Variants in DIAPH2 observed in about 807,000 individuals in gnomAD.
DIAPH2 encodes the protein protein diaphanous homolog 2.
Under a neutral mutation model 92.7 loss-of-function variants are expected in DIAPH2, and 35 were observed. The observed-to-expected ratio is 0.38, with a 90% CI of 0.29 to 0.50. The LOEUF (loss-of-function observed/expected upper bound fraction) is 0.50. DIAPH2 is among the 20% of genes least tolerant of loss of function. DIAPH2 has a pLI of 0.94. For synonymous variants in DIAPH2, 301 were observed against 280.4 expected, an observed-to-expected ratio of 1.07 and a Z score of -0.73; for missense variants, 701 against 819.5, an observed-to-expected ratio of 0.86 and a Z score of 1.77.
chrX:96,853,788 G>A (rs972050223), intron 4 of DIAPH2, among the ~76,000 whole-genome samples: 5 of 111,292 alleles, frequency 4.5e-5, no homozygotes, highest in African/African-American at 1.6e-4. Context: ...TGGTTTAATT[G>A]CACTTCAAAA....
intron 20 of DIAPH2, among the ~76,000 whole-genome samples, chrX:97,110,230 C>T (rs770305297): frequency 3.6e-5 from 4 of 111,230 alleles, no homozygotes; most frequent in Non-Finnish European, 5.6e-5. Flanking sequence ...ACTCCTTTCT[C>T]CTTTTTTTTC....
chrX:97,090,727 C>G (rs2066819223), intron 19 of DIAPH2, among the ~76,000 whole-genome samples: 1 of 111,392 alleles, frequency 9.0e-6, no homozygotes, highest in Non-Finnish European at 1.9e-5. Context: ...AATGTAAACT[C>G]TCCCAGAGTA....
intron 3 of DIAPH2, among the ~76,000 whole-genome samples, chrX:96,742,547 C>A (rs770867349): frequency 1.8e-5 from 2 of 111,970 alleles, no homozygotes; most frequent in Non-Finnish European, 3.8e-5. Context: ...ACACCCACCA[C>A]ACCTTACCTT....
chrX:97,071,432 G>A (rs640422), intron 17 of DIAPH2, among the ~76,000 whole-genome samples: 51,891 of 109,468 alleles, frequency 0.47, 9,070 homozygotes, highest in African/African-American at 0.55. Flanking sequence ...AGTAGTAGCA[G>A]TGACTATTAT....
chrX:97,300,704 G>A (rs1224067123), intron 23 of DIAPH2, among the ~76,000 whole-genome samples: 8 of 95,799 alleles, frequency 8.4e-5, no homozygotes, highest in Non-Finnish European at 1.5e-4. Flanking sequence ...AGGCCGAGGC[G>A]GGCGGATCAC....
At chrX:96,835,823 C>T (rs763449013) in intron 4 of DIAPH2, among the ~76,000 whole-genome samples, 1 of 110,603 alleles carries the variant, frequency 9.0e-6, no homozygotes, top group Admixed American at 9.6e-5. Context: ...TTTTCTTTTA[C>T]GTTTTTTGAG....
chrX:97,511,233 G>A (rs1425245213), intron 26 of DIAPH2, among the ~76,000 whole-genome samples: 2 of 93,591 alleles, frequency 2.1e-5, no homozygotes, highest in Non-Finnish European at 4.3e-5. Flanking sequence ...CACATCCCTT[G>A]TAAGTTGGAT....
rs147233535 is a variant in DIAPH2, at chrX:96,968,056, T to C, written c.2050+2849T>C. On this transcript the variant is annotated intron_variant, in intron 17 of 26. Coordinates refer to ENST00000324765, the MANE Select transcript of DIAPH2 (RefSeq NM_006729.5). The stretch of plus-strand genomic sequence containing the variant: ...TGTTTTCTCCACAGCCTTGCCAGCA[T>C]CTGTTTGGGTTTTTTTTTTGGCTTT... Among the ~76,000 whole-genome samples the C allele has an allele frequency of 8.1e-3, 885 of 109,385 alleles. 8 individuals carry two copies. Among genetic ancestry groups the C allele is most frequent in the African/African-American group, 0.028 (829 of 29,623 alleles). The allele number at this position is 109,385 out of a possible 115,157, so 95.0% of individuals were successfully genotyped here. A position where few individuals can be genotyped will look rare whatever the true frequency, so the allele number is the denominator to read the frequency against.
Position 97,564,793 on chromosome X carries a change from G to A in DIAPH2, c.3242-34460G>A, listed in dbSNP as rs183882093. ...AACAACTTATCCTGGAAGTTCTAAA[G>A]AAATAGCATGTTTAAAAAGTGAAGT... is the stretch of plus-strand genomic sequence containing the variant. On this transcript the variant is annotated intron_variant, in intron 26 of 26. Transcript: ENST00000324765. Among the ~76,000 whole-genome samples the A allele has an allele frequency of 7.2e-5, 8 of 111,433 alleles. No homozygotes were observed. In the Admixed American group the frequency reaches 7.6e-4, roughly 11 times the overall value.
At chrX:96,837,414 T>C (rs868407865) in intron 4 of DIAPH2, among the ~76,000 whole-genome samples, 4 of 59,377 alleles carry the variant, frequency 6.7e-5, no homozygotes, top group Non-Finnish European at 1.1e-4. Flanking sequence ...CCTCTCTCTC[T>C]CTCTCTCTCT....
At chrX:97,486,509 C>T (rs1250964894) in intron 26 of DIAPH2, among the ~76,000 whole-genome samples, 1 of 111,822 alleles carries the variant, frequency 8.9e-6, no homozygotes, top group Non-Finnish European at 1.9e-5. Context: ...TAAAATTACC[C>T]AGGCAGTGGG....
At position 97,600,075 on chromosome X, in the gene DIAPH2, C is replaced by CTACTT. The variant is rs776282187; in HGVS notation, c.*761_*765dup. ...GTATTTTCTAATTATGCACAGATATCTACTTTATACAAATACTTTATATGG... is the reference window on the plus strand; with the variant it reads ...GTATTTTCTAATTATGCACAGATATCTACTTTACTTTATACAAATACTTTATATGG... On this transcript the variant is annotated 3_prime_UTR_variant, in exon 27 of 27. Coordinates refer to ENST00000324765, the MANE Select transcript of DIAPH2 (RefSeq NM_006729.5). 1.8e-5 allele frequency: 2 copies of CTACTT among 112,705 alleles called. No individual in the cohort carries two copies. Among genetic ancestry groups the CTACTT allele is most frequent in the Non-Finnish European group, 1.9e-5 (1 of 53,203 alleles). 9.3% of individuals were successfully genotyped at this position (112,705 alleles called of 1,213,427 possible). A position where few individuals can be genotyped will look rare whatever the true frequency, so the allele number is the denominator to read the frequency against.
At chrX:97,090,919 C>T (rs1417843773) in intron 19 of DIAPH2, among the ~76,000 whole-genome samples, 1 of 111,948 alleles carries the variant, frequency 8.9e-6, no homozygotes, top group South Asian at 3.7e-4. Flanking sequence ...CCAGAAGAAA[C>T]CACTATTCTG....
At chrX:97,360,980 C>T (rs2069319289) in intron 24 of DIAPH2, among the ~76,000 whole-genome samples, 2 of 110,432 alleles carry the variant, frequency 1.8e-5, no homozygotes. Flanking sequence ...AGCTATCCTT[C>T]CACCTCAGCC....
At chrX:97,457,855 A>C (rs1221673122) in intron 26 of DIAPH2, among the ~76,000 whole-genome samples, 1 of 112,197 alleles carries the variant, frequency 8.9e-6, no homozygotes, top group Non-Finnish European at 1.9e-5. Flanking sequence ...ACCTCTGTGA[A>C]ACAGGGAACG....
chrX:97,577,933 A>G (rs191601297), intron 26 of DIAPH2, among the ~76,000 whole-genome samples: 10 of 110,651 alleles, frequency 9.0e-5, no homozygotes, highest in Admixed American at 2.9e-4. Flanking sequence ...AGTGAATTTT[A>G]ATCTGAGTCC....
At chrX:96,771,147 G>A (rs1354068965) in intron 4 of DIAPH2, among the ~76,000 whole-genome samples, 1 of 111,180 alleles carries the variant, frequency 9.0e-6, no homozygotes, top group Non-Finnish European at 1.9e-5. Flanking sequence ...TCTTACCTTG[G>A]GCATTTGGAA....
chrX:97,222,194 G>GATA (rs2067931494), intron 22 of DIAPH2, among the ~76,000 whole-genome samples: 1 of 109,857 alleles, frequency 9.1e-6, no homozygotes, highest in South Asian at 4.0e-4. Flanking sequence ...TGATGATGAT[G>GATA]ATGATGATGA....
chrX:97,105,099 C>T (rs1395192068), intron 20 of DIAPH2, among the ~76,000 whole-genome samples: 2 of 111,566 alleles, frequency 1.8e-5, no homozygotes, highest in African/African-American at 6.5e-5. Context: ...CCACTGCACT[C>T]CAGCCTGGGC....
Sources: gnomAD v4.1 joint callset for allele counts (sites outside exome capture counted in the v4.1 genomes callset) on GRCh38, gnomAD v4.1.1 for gene constraint, MANE v1.5 for transcripts, NCBI Gene and HGNC (gene_info 2026-07-23, HGNC 2026-07-21) for gene names.